The following HHAT variants were observed in gnomAD, a reference collection of about 807,000 sequenced individuals.
HHAT encodes the protein protein-cysteine N-palmitoyltransferase HHAT.
HHAT carries 47 observed loss-of-function variants against 70.8 expected under a neutral mutation model. That is an observed-to-expected ratio of 0.66 (90% CI 0.53 to 0.85). HHAT has a LOEUF of 0.85. Ranked by LOEUF, HHAT falls within the 40% of genes least tolerant of loss-of-function variation. HHAT has a pLI of 0.00. For missense variants in HHAT, 609 were observed against 604.8 expected, an observed-to-expected ratio of 1.01 and a Z score of -0.07; for synonymous variants, 228 against 247.6, an observed-to-expected ratio of 0.92 and a Z score of 0.74.
chr1:210,384,755 T>A (rs3765868), intron 3 of HHAT, among the ~76,000 whole-genome samples: 117,635 of 152,108 alleles, frequency 0.77, 46,182 homozygotes, highest in African/African-American at 0.91. Context: ...AAGGGACAGA[T>A]CATGATGTTG....
chr1:210,447,989 G>A (rs754034602), intron 7 of HHAT, among the ~76,000 whole-genome samples: 45 of 152,126 alleles, frequency 3.0e-4, no homozygotes, highest in Non-Finnish European at 1.3e-4. Context: ...TGGATGACCA[G>A]CTGCCTCGAT....
At chr1:210,566,136 A>G (rs940595911) in intron 9 of HHAT, among the ~76,000 whole-genome samples, 15 of 152,242 alleles carry the variant, frequency 9.9e-5, no homozygotes, top group African/African-American at 3.1e-4. Flanking sequence ...GTTCACAAAC[A>G]TGACCCTGAA....
At chr1:210,566,510 C>T (rs1654785155) in intron 9 of HHAT, among the ~76,000 whole-genome samples, 1 of 152,038 alleles carries the variant, frequency 6.6e-6, no homozygotes, top group African/African-American at 2.4e-5. Flanking sequence ...CCCATATAAA[C>T]CCCAAACCCC....
chr1:210,334,177 C>CT (rs1342123521), intron 1 of HHAT, among the ~76,000 whole-genome samples: 7 of 34,552 alleles, frequency 2.0e-4, no homozygotes, highest in African/African-American at 1.2e-3. Flanking sequence ...TTTAGCGTGT[C>CT]ATTTTTTTTT....
chr1:210,356,394 A>AT (rs959112976), intron 2 of HHAT, among the ~76,000 whole-genome samples: 4 of 150,142 alleles, frequency 2.7e-5, no homozygotes, highest in East Asian at 2.0e-4. Flanking sequence ...TTTTTTTTTC[A>AT]TTTTTTTAAT....
intron 9 of HHAT, among the ~76,000 whole-genome samples, chr1:210,579,132 C>T (rs1658599102): frequency 3.3e-5 from 5 of 152,008 alleles, no homozygotes. Flanking sequence ...GAATGACAGA[C>T]ACGGGAGATG....
intron 9 of HHAT, among the ~76,000 whole-genome samples, chr1:210,526,355 A>G (rs1415543336): frequency 1.3e-5 from 1 of 74,616 alleles, no homozygotes; most frequent in Non-Finnish European, 2.7e-5. Flanking sequence ...TAAACTAACC[A>G]GAGTGGGTTC....
intron 2 of HHAT, among the ~76,000 whole-genome samples, chr1:210,351,037 A>G (rs2086974144): frequency 6.6e-6 from 1 of 152,220 alleles, no homozygotes; most frequent in East Asian, 1.9e-4. Context: ...ATTTATTACA[A>G]GGAATTGGCC....
chr1:210,366,925 T>G (rs920016521), intron 3 of HHAT, among the ~76,000 whole-genome samples: 1 of 152,230 alleles, frequency 6.6e-6, no homozygotes, highest in African/African-American at 2.4e-5. Context: ...TCATAGTTCC[T>G]GACACTTCCC....
chr1:210,348,201 C>T (rs1307643775), intron 1 of HHAT, among the ~76,000 whole-genome samples: 1 of 151,996 alleles, frequency 6.6e-6, no homozygotes, highest in Admixed American at 6.6e-5. Context: ...GAAACATAGA[C>T]CCTGTCTCCA....
chr1:210,472,241 TTTATATA>T (rs561104622), intron 8 of HHAT, among the ~76,000 whole-genome samples: 5 of 152,242 alleles, frequency 3.3e-5, no homozygotes, highest in Non-Finnish European at 7.3e-5. Context: ...TCTAATTTCT[TTTATATA>T]TTCAATGTAT....
At chr1:210,399,948 A>G (rs1056976193) in intron 4 of HHAT, among the ~76,000 whole-genome samples, 4 of 152,214 alleles carry the variant, frequency 2.6e-5, no homozygotes, top group East Asian at 3.8e-4. Flanking sequence ...TCAAAAATGC[A>G]AAAAAACCCT....
chr1:210,489,303 A>G (rs2094517330), intron 8 of HHAT, among the ~76,000 whole-genome samples: 1 of 152,154 alleles, frequency 6.6e-6, no homozygotes, highest in Admixed American at 6.6e-5. Context: ...ATTAAACTGG[A>G]GGGAAGAGAG....
At chr1:210,555,639 G>A (rs2095565211) in intron 9 of HHAT, among the ~76,000 whole-genome samples, 1 of 152,228 alleles carries the variant, frequency 6.6e-6, no homozygotes, top group Non-Finnish European at 1.5e-5. Flanking sequence ...TTGACACACT[G>A]TCCCTCATAA....
intron 9 of HHAT, among the ~76,000 whole-genome samples, chr1:210,574,017 G>T (rs1298692254): frequency 6.6e-6 from 1 of 152,204 alleles, no homozygotes; most frequent in Non-Finnish European, 1.5e-5. Context: ...CTCTGGTGGA[G>T]TAAGAAGGGA....
At chr1:210,627,561 A>G (rs1670056223) in intron 11 of HHAT, among the ~76,000 whole-genome samples, 2 of 152,122 alleles carry the variant, frequency 1.3e-5, no homozygotes, top group Non-Finnish European at 2.9e-5. Flanking sequence ...CCTGCTGTCT[A>G]AAGAGTGGAA....
At chr1:210,646,905 CATT>C (rs891702680) in intron 11 of HHAT, among the ~76,000 whole-genome samples, 3 of 152,110 alleles carry the variant, frequency 2.0e-5, no homozygotes, top group East Asian at 1.9e-4. Context: ...AAATAAAAAA[CATT>C]AGCATCCCCA....
chr1:210,625,173 A>G (rs1041510607), intron 11 of HHAT, among the ~76,000 whole-genome samples: 1 of 152,214 alleles, frequency 6.6e-6, no homozygotes, highest in African/African-American at 2.4e-5. Flanking sequence ...TCCTGAAAAG[A>G]CCACGTACTT....
intron 7 of HHAT, among the ~76,000 whole-genome samples, chr1:210,452,484 T>C (rs926378968): frequency 6.6e-6 from 1 of 152,288 alleles, no homozygotes; most frequent in African/African-American, 2.4e-5. Flanking sequence ...TGGCCAGTTT[T>C]CTTTCATCTG....
Sources: gnomAD v4.1 joint callset for allele counts (sites outside exome capture counted in the v4.1 genomes callset) on GRCh38, gnomAD v4.1.1 for gene constraint, MANE v1.5 for transcripts, NCBI Gene and HGNC (gene_info 2026-07-23, HGNC 2026-07-21) for gene names.